Variants in NUDT9 observed in about 807,000 individuals in gnomAD.
NUDT9 encodes ADP-ribose pyrophosphatase.
Under a neutral mutation model 41.0 loss-of-function variants are expected in NUDT9, and 31 were observed. That is an observed-to-expected ratio of 0.76 (90% CI 0.57 to 1.02). The LOEUF (loss-of-function observed/expected upper bound fraction) is 1.02, where lower values mean the gene tolerates loss of function less well. Among genes scored for constraint, NUDT9 ranks in the 50% least tolerant of loss-of-function variants. The pLI is 0.00. For synonymous variants in NUDT9, 146 were observed against 147.6 expected (o/e 0.99, Z 0.08); for missense variants, 380 against 431.4 (o/e 0.88, Z 1.06).
chr4:87,426,217 G>A (rs954319236), intron 1 of NUDT9, among the ~76,000 whole-genome samples: 3 of 152,138 alleles, frequency 2.0e-5, no homozygotes, highest in African/African-American at 4.8e-5. Flanking sequence ...TACTGGTGAT[G>A]TGTGTAGAAT....
In NUDT9 at chr4:87,422,820, G is replaced by T; in HGVS notation, c.-86G>T. ...TCCTAGTGCCCATCAGATACCCGCG[G>T]CCGGGACTCGGAGCTGTGGGGTGTG... is the stretch of plus-strand genomic sequence containing the variant. On this transcript the variant is annotated 5_prime_UTR_variant, in exon 1 of 8. Coordinates refer to ENST00000302174, the MANE Select transcript of NUDT9 (RefSeq NM_024047.5). 1.0e-6 allele frequency: 1 copy of T among 996,824 alleles called. No homozygotes were observed. Among genetic ancestry groups the T allele is most frequent in the Non-Finnish European group, 1.5e-6 (1 of 663,576 alleles). The allele number at this position is 996,824 out of a possible 1,614,324, so 61.7% of individuals were successfully genotyped here.
chr4:87,427,928 G>T (rs1721505565), intron 1 of NUDT9, among the ~76,000 whole-genome samples: 1 of 152,056 alleles, frequency 6.6e-6, no homozygotes, highest in Non-Finnish European at 1.5e-5. Flanking sequence ...TTTTTATTGA[G>T]TATGGGTTTA....
chr4:87,438,980 A>G (rs1402582543), intron 3 of NUDT9, among the ~76,000 whole-genome samples: 2 of 151,978 alleles, frequency 1.3e-5, no homozygotes, highest in African/African-American at 4.8e-5. Flanking sequence ...CAGCCTGACC[A>G]ACATGGAGAA....
chr4:87,429,877 G>A (rs187671504), intron 1 of NUDT9, among the ~76,000 whole-genome samples: 2 of 151,884 alleles, frequency 1.3e-5, no homozygotes, highest in African/African-American at 2.4e-5. Context: ...TGATTATATG[G>A]CTCCTTCTAT....
chr4:87,445,089 C>CA (rs1199596658), intron 4 of NUDT9, among the ~76,000 whole-genome samples: 3 of 152,218 alleles, frequency 2.0e-5, no homozygotes, highest in Admixed American at 2.0e-4. Context: ...TCCAGGCATC[C>CA]TGTCAGTGCT....
intron 1 of NUDT9, among the ~76,000 whole-genome samples, chr4:87,430,971 T>C (rs1276150389): frequency 6.6e-6 from 1 of 152,208 alleles, no homozygotes; most frequent in Non-Finnish European, 1.5e-5. Context: ...TTTTTTCTCT[T>C]GTTGCTTGTA....
intron 1 of NUDT9, among the ~76,000 whole-genome samples, chr4:87,433,438 A>G (rs561306450): frequency 1.3e-5 from 2 of 152,264 alleles, no homozygotes; most frequent in South Asian, 2.1e-4. Context: ...GATTCATGTC[A>G]TATATTTTTG....
intron 2 of NUDT9, 134 bp from the exon 3 acceptor site, chr4:87,438,138 GAAAAA>G (rs11395564): frequency 6.2e-6 from 2 of 324,848 alleles, no homozygotes; most frequent in Non-Finnish European, 5.6e-6. Context: ...ATGGATTTGT[GAAAAA>G]AAAAAAAAAA....
rs145715592 is a variant in NUDT9, at chr4:87,434,983, A to G, written c.110A>G (p.Asn37Ser). Reference sequence around the variant, plus strand: ...ATGTTTTTCTTTTTCTCCCCCAGAAACTCGTTTTCATCTTCTTGGTTTCAT... The same window carrying G: ...ATGTTTTTCTTTTTCTCCCCCAGAAGCTCGTTTTCATCTTCTTGGTTTCAT... ...SRCRGIQAFR[N>S]SFSSSWFHLN... Residue 37 changes from asparagine (N) to serine (S), a missense_variant and splice_region_variant, in exon 2 of 8, where the codon AAC becomes AGC. By Grantham distance (46) the Asn-to-Ser change is conservative (BLOSUM62 1). Coordinates refer to ENST00000302174, the MANE Select transcript of NUDT9 (RefSeq NM_024047.5). The G allele has an allele frequency of 2.2e-4, 352 of 1,603,070 alleles. 1 individual carries two copies. In the African/African-American group the frequency reaches 4.0e-3, roughly 18 times the overall value.
chr4:87,452,961 GC>G (rs1213153699), intron 6 of NUDT9, among the ~76,000 whole-genome samples: 1 of 151,546 alleles, frequency 6.6e-6, no homozygotes, highest in Non-Finnish European at 1.5e-5. Flanking sequence ...ACAAGCATGT[GC>G]CACCATGCCT....
At chr4:87,448,603 C>G (rs1722574405) in intron 4 of NUDT9, among the ~76,000 whole-genome samples, 1 of 152,076 alleles carries the variant, frequency 6.6e-6, no homozygotes, top group African/African-American at 2.4e-5. Context: ...GCCTCAGTCT[C>G]CCAAGTAGCT....
chr4:87,450,362 A>ATTTCTT (rs1313382294), intron 5 of NUDT9, among the ~76,000 whole-genome samples: 5 of 146,402 alleles, frequency 3.4e-5, no homozygotes, highest in South Asian at 2.2e-4. Flanking sequence ...GTTTAGGCTA[A>ATTTCTT]TTTCTTTTTC....
chr4:87,440,471 C>T (rs999891827), intron 3 of NUDT9, among the ~76,000 whole-genome samples: 4 of 152,124 alleles, frequency 2.6e-5, no homozygotes, highest in Admixed American at 6.6e-5. Context: ...AAGTTATGGT[C>T]TTGGTCATCT....
At chr4:87,429,166 T>A (rs985397544) in intron 1 of NUDT9, among the ~76,000 whole-genome samples, 1 of 152,208 alleles carries the variant, frequency 6.6e-6, no homozygotes, top group African/African-American at 2.4e-5. Flanking sequence ...CTTATTTTTT[T>A]AATGAGTCAG....
Position 87,446,750 on chromosome 4 carries a change from G to A in NUDT9, c.531-2392G>A, listed in dbSNP as rs148836603. 2.6e-5 allele frequency among the ~76,000 whole-genome samples: 4 copies of A among 152,160 alleles called. No homozygotes were observed. The East Asian group carries it at 5.8e-4, about 22-fold the overall frequency. On this transcript the variant is annotated intron_variant, in intron 4 of 7. Coordinates refer to ENST00000302174, the MANE Select transcript of NUDT9 (RefSeq NM_024047.5). ...GATAATAAAACAACTATGTTATAGGGTTGTTTTGAGGCTTAAATGGATAAA... is the reference window on the plus strand; with the variant it reads ...GATAATAAAACAACTATGTTATAGGATTGTTTTGAGGCTTAAATGGATAAA...
Position 87,422,846 on chromosome 4 carries a change from G to GGGAGGC in NUDT9, c.-53_-48dup. On this transcript the variant is annotated 5_prime_UTR_variant, in exon 1 of 8. Transcript: ENST00000302174. Reference sequence around the variant, plus strand: ...CCGGGACTCGGAGCTGTGGGGTGTGGGGAGGCGGAGGCACCAACTAAGAGC... The same window carrying GGGAGGC: ...CCGGGACTCGGAGCTGTGGGGTGTGGGGAGGCGGAGGCGGAGGCACCAACTAAGAGC... 4 of 1,338,144 alleles carry GGGAGGC rather than the reference G, an allele frequency of 3.0e-6. No homozygotes were observed. The highest frequency in any genetic ancestry group is 4.2e-6 in the Non-Finnish European group (4 of 951,322). 82.9% of individuals were successfully genotyped at this position (1,338,144 alleles called of 1,614,324 possible).
chr4:87,431,587 A>G (rs28762371), intron 1 of NUDT9, among the ~76,000 whole-genome samples: 17,772 of 152,180 alleles, frequency 0.12, 1,128 homozygotes, highest in East Asian at 0.23. Context: ...TCTTTTAGCA[A>G]TAGTTTGTAG....
chr4:87,434,664 C>T (rs188450785), intron 1 of NUDT9, among the ~76,000 whole-genome samples: 120 of 151,138 alleles, frequency 7.9e-4, no homozygotes, highest in Middle Eastern at 3.4e-3. Flanking sequence ...GGAGTTTTCA[C>T]TCCTGTTGCC....
At position 87,423,002 on chromosome 4, in the gene NUDT9, C is replaced by T; in HGVS notation, c.97C>T (p.Gln33Ter). 2 of 1,612,702 alleles carry T rather than the reference C, an allele frequency of 1.2e-6. No individual in the cohort carries two copies. Among genetic ancestry groups the T allele is most frequent in the Non-Finnish European group, 8.5e-7 (1 of 1,179,382 alleles). Reference protein sequence around the residue: ...TIRSSRCRGIQAFRNSFSSSW... With the variant: ...TIRSSRCRGI The stretch of plus-strand genomic sequence containing the variant: ...CAGGTCCTCGCGCTGCCGCGGCATC[C>T]AGGCGTTCAGGTATTCCACCCTCCT... Residue 33 changes from glutamine (Q) to a stop codon, truncating the protein, a stop_gained, in exon 1 of 8, where the codon CAG (glutamine) becomes TAG (stop). Coordinates refer to ENST00000302174, the MANE Select transcript of NUDT9 (RefSeq NM_024047.5). LOFTEE classifies it high-confidence loss of function.
Sources: allele counts gnomAD v4.1 joint callset (sites outside exome capture counted in the v4.1 genomes callset), GRCh38; gene constraint gnomAD v4.1.1; transcripts MANE v1.5; gene names NCBI Gene and HGNC (gene_info 2026-07-23, HGNC 2026-07-21).